Variants in PRDM1 observed in about 807,000 individuals in gnomAD.
The protein encoded by PRDM1 is PR/SET domain 1.
A neutral mutation model predicts 62.8 loss-of-function variants in PRDM1; 13 were observed. The ratio of observed to expected loss-of-function variants is 0.21; its 90% CI spans 0.13 to 0.33. The LOEUF (loss-of-function observed/expected upper bound fraction) is 0.33. Ranked by LOEUF, PRDM1 falls within the 10% of genes least tolerant of loss-of-function variation. PRDM1 has a pLI of 1.00. For synonymous variants in PRDM1, 396 were observed against 417.6 expected (o/e 0.95, Z 0.63); for missense variants, 895 against 1,058.8 (o/e 0.85, Z 2.15).
At chr6:105,997,139 C>G (rs556948211) in intron 1 of PRDM1, among the ~76,000 whole-genome samples, 22 of 152,310 alleles carry the variant, frequency 1.4e-4, no homozygotes, top group African/African-American at 5.3e-4. Flanking sequence ...AGTGGAAGAC[C>G]AGTAACTCAG....
chr6:105,996,112 TATAAC>T (rs1772346170), intron 1 of PRDM1, among the ~76,000 whole-genome samples: 1 of 152,202 alleles, frequency 6.6e-6, no homozygotes, highest in South Asian at 2.1e-4. Flanking sequence ...ATCCTTAAAA[TATAAC>T]ATATTCCTGA....
In PRDM1 at chr6:106,106,290, C is replaced by T; in HGVS notation, c.1774-81C>T. On this transcript the variant is annotated intron_variant, in intron 5 of 6. Coordinates refer to ENST00000369096, the MANE Select transcript of PRDM1 (RefSeq NM_001198.4). The surrounding 1 kb of genome is among the most constrained non-coding windows in gnomAD (Gnocchi z 4.4). ...GATGCTTTTCTTAAGATATTTGCAT[C>T]AACACTTGAGTCTTGGAGCAGAAAT... 3 of 1,539,508 alleles carry T rather than the reference C, an allele frequency of 1.9e-6. No individual in the cohort carries two copies. The highest frequency in any genetic ancestry group is 2.7e-6 in the Non-Finnish European group (3 of 1,130,756).
intron 1 of PRDM1, among the ~76,000 whole-genome samples, chr6:106,023,833 T>A (rs999936660): frequency 4.6e-5 from 7 of 152,188 alleles, no homozygotes. Flanking sequence ...ACTTTTTCTC[T>A]GATAAAAGAT....
chr6:106,084,422 A>G (rs1226834257), upstream of PRDM1, among the ~76,000 whole-genome samples: 1 of 152,238 alleles, frequency 6.6e-6, no homozygotes, highest in Non-Finnish European at 1.5e-5. Flanking sequence ...ATTCACTGGC[A>G]TCTTCCAGTC....
At chr6:106,022,545 C>T (rs958272263) in intron 1 of PRDM1, among the ~76,000 whole-genome samples, 1 of 151,924 alleles carries the variant, frequency 6.6e-6, no homozygotes, top group African/African-American at 2.4e-5. Context: ...CTGCCTCAGC[C>T]TCTCAAGTAG....
Position 105,994,234 on chromosome 6 carries a change from A to C in PRDM1, c.-67+595A>C, listed in dbSNP as rs1181934099. Reference sequence around the variant, plus strand: ...ACGCCGGGAGGCGAGGGGCGAGGTAAGACGCCGCCTAAAGAGGCCCGGGCT... The same window carrying C: ...ACGCCGGGAGGCGAGGGGCGAGGTACGACGCCGCCTAAAGAGGCCCGGGCT... On this transcript the variant is annotated intron_variant, in intron 1 of 6. Transcript: ENST00000652320. The surrounding 1 kb of genome is among the most constrained non-coding windows in gnomAD (Gnocchi z 4.1). Among the ~76,000 whole-genome samples the C allele has an allele frequency of 6.6e-6, 1 of 152,124 alleles. No homozygotes were observed. The highest frequency in any genetic ancestry group is 1.9e-4 in the East Asian group (1 of 5,170).
intron 1 of PRDM1, among the ~76,000 whole-genome samples, chr6:106,034,457 A>G (rs1184222192): frequency 1.3e-5 from 2 of 151,700 alleles, no homozygotes; most frequent in African/African-American, 4.8e-5. Context: ...TTTTATTTTC[A>G]TGCATCTCTA....
chr6:106,016,223 CATTT>C (rs1360328882), intron 1 of PRDM1, among the ~76,000 whole-genome samples: 11 of 152,128 alleles, frequency 7.2e-5, no homozygotes, highest in African/African-American at 2.2e-4. Flanking sequence ...TCTATTCATT[CATTT>C]GTTGATAGAC....
intron 1 of PRDM1, among the ~76,000 whole-genome samples, chr6:106,064,594 C>T (rs1435807329): frequency 6.6e-6 from 1 of 152,170 alleles, no homozygotes; most frequent in African/African-American, 2.4e-5. Flanking sequence ...TTTATCTTGA[C>T]CTCTAATAGC....
chr6:106,081,574 C>T (rs1773695059), upstream of PRDM1, among the ~76,000 whole-genome samples: 1 of 152,162 alleles, frequency 6.6e-6, no homozygotes, highest in African/African-American at 2.4e-5. Flanking sequence ...AGATTGGATA[C>T]TAAATCCCCT....
In PRDM1 at chr6:106,106,068, G is replaced by A. The variant is rs758828413; in HGVS notation, c.1773+135G>A. On this transcript the variant is annotated intron_variant, in intron 5 of 6. Coordinates refer to ENST00000369096, the MANE Select transcript of PRDM1 (RefSeq NM_001198.4). This position sits in a 1 kb window ranked among gnomAD's most constrained non-coding sequence, Gnocchi z 4.4. ...GTTGGGGATAGTGGGTATGGATTCC[G>A]CCTGGCTTTTGCCACTTCTAGCTCT... 2 of 1,357,656 alleles carry A rather than the reference G, an allele frequency of 1.5e-6. No individual in the cohort carries two copies. The highest frequency in any genetic ancestry group is 5.7e-5 in the Admixed American group (2 of 35,312). 84.1% of individuals were successfully genotyped at this position (1,357,656 alleles called of 1,614,324 possible).
At position 106,088,436 on chromosome 6, in the gene PRDM1, C is replaced by G; in HGVS notation, c.278C>G (p.Thr93Ser). The G allele has an allele frequency of 6.2e-7, 1 of 1,614,190 alleles. No homozygotes were observed. Among genetic ancestry groups the G allele is most frequent in the South Asian group, 1.1e-5 (1 of 91,080 alleles). The part of the protein sequence containing the change: ...LPRNLLFKYA[T>S]NSEEVIGVMS... Reference sequence around the variant, plus strand: ...AGGAATCTGCTTTTCAAGTATGCCACCAACAGTGAAGAGGTAAGCCTCTGG... The same window carrying G: ...AGGAATCTGCTTTTCAAGTATGCCAGCAACAGTGAAGAGGTAAGCCTCTGG... The change falls in exon 2 of 7, where the codon ACC becomes AGC. Residue 93 changes from threonine to serine, a missense_variant. By Grantham distance (58) the Thr-to-Ser change is moderately conservative. This residue lies in a region of PRDM1 where 213 missense variants were observed against 283.9 expected (regional missense o/e 0.75). Transcript: ENST00000369096.
rs76562935 is a variant in PRDM1 at position 106,032,238 on chromosome 6, A to C, written c.-67+38599A>C. On this transcript the variant is annotated intron_variant, in intron 1 of 6. Transcript: ENST00000652320. ...GAGTGCAGTGGTACAATCACAGTTC[A>C]CTGCAGCCTCTCTGGGCTTAAGCAA... is the stretch of plus-strand genomic sequence containing the variant. Among the ~76,000 whole-genome samples, 1,224 of 152,202 alleles carry C rather than the reference A, an allele frequency of 8.0e-3. 20 individuals are homozygous for C. Among genetic ancestry groups the C allele is most frequent in the African/African-American group, 0.028 (1,181 of 41,534 alleles).
At chr6:106,093,329 T>G (rs1774011958) in intron 2 of PRDM1, among the ~76,000 whole-genome samples, 3 of 152,242 alleles carry the variant, frequency 2.0e-5, no homozygotes, top group Admixed American at 1.3e-4. Flanking sequence ...ACGACCTCAG[T>G]GCAGTGCTCC....
intron 1 of PRDM1, among the ~76,000 whole-genome samples, chr6:106,065,697 A>C (rs1440632529): frequency 6.6e-6 from 1 of 152,232 alleles, no homozygotes; most frequent in Non-Finnish European, 1.5e-5. Context: ...GTAGTTTCTC[A>C]GTTTATTTTA....
intron 1 of PRDM1, among the ~76,000 whole-genome samples, chr6:106,036,094 G>A (rs1225356057): frequency 1.3e-5 from 2 of 151,960 alleles, no homozygotes; most frequent in African/African-American, 4.8e-5. Flanking sequence ...TATTCCTTAT[G>A]GAGAAGCAAT....
Position 106,016,942 on chromosome 6 carries a change from G to A in PRDM1, c.-67+23303G>A, listed in dbSNP as rs1343557818. ...GCCGGGATTACAGGCATGAGCCACC[G>A]TGCCTGGCCGCACAGATGTTTTTCA... On this transcript the variant is annotated intron_variant, in intron 1 of 6. Transcript: ENST00000652320. Among the ~76,000 whole-genome samples, 4 of 152,146 alleles carry A rather than the reference G, an allele frequency of 2.6e-5. No homozygotes were observed. The East Asian group carries it at 5.8e-4, about 22-fold the overall frequency.
intron 1 of PRDM1, among the ~76,000 whole-genome samples, chr6:106,035,638 A>G (rs992113828): frequency 3.3e-5 from 5 of 152,050 alleles, no homozygotes; most frequent in Non-Finnish European, 5.9e-5. Context: ...GTCTCAAAAA[A>G]ATTTAAAAAA....
upstream of PRDM1, among the ~76,000 whole-genome samples, chr6:106,084,791 A>G (rs1418566304): frequency 6.6e-6 from 1 of 152,190 alleles, no homozygotes; most frequent in African/African-American, 2.4e-5. Context: ...CACCCCCAGC[A>G]GATCTGCCTT....
Sources: allele counts gnomAD v4.1 joint callset (sites outside exome capture counted in the v4.1 genomes callset), GRCh38; gene constraint gnomAD v4.1.1; regional missense constraint gnomAD v4.1.1; non-coding constraint Gnocchi (gnomAD v3.1); transcripts MANE v1.5; gene names NCBI Gene and HGNC (gene_info 2026-07-23, HGNC 2026-07-21).